Variants in CYREN observed in about 807,000 individuals in gnomAD.
CYREN encodes the protein cell cycle regulator of non-homologous end joining.
Under a neutral mutation model 9.7 loss-of-function variants are expected in CYREN, and 7 were observed. The observed-to-expected ratio is 0.72, with a 90% confidence interval of 0.41 to 1.36. The LOEUF is 1.36. Among genes scored for constraint, CYREN ranks in the 40% most tolerant of loss-of-function variants. The pLI, the probability that CYREN is intolerant of heterozygous loss-of-function variation, is 0.01. For synonymous variants in CYREN, 76 were observed against 77.9 expected (o/e 0.98, Z 0.13); for missense variants, 215 against 198.1 (o/e 1.09, Z -0.51).
At chr7:135,104,059 C>T (rs1824268368) in intron 2 of CYREN, among the ~76,000 whole-genome samples, 1 of 152,016 alleles carries the variant, frequency 6.6e-6, no homozygotes, top group African/African-American at 2.4e-5. Flanking sequence ...TGATCCTCTC[C>T]CTCCTCCCAC....
At chr7:135,102,143 A>T (rs1823930340) in intron 2 of CYREN, among the ~76,000 whole-genome samples, 1 of 152,174 alleles carries the variant, frequency 6.6e-6, no homozygotes. Context: ...GACTAATACA[A>T]TGGTAATTCA....
chr7:135,110,495 G>A (rs1429663776), intron 2 of CYREN, among the ~76,000 whole-genome samples: 1 of 152,114 alleles, frequency 6.6e-6, no homozygotes, highest in African/African-American at 2.4e-5. Flanking sequence ...GTGGGTTCAT[G>A]AGAAGACCTC....
chr7:135,148,387 G>T, intron 2 of CYREN: 1 of 315,048 alleles, frequency 3.2e-6, no homozygotes, highest in South Asian at 2.7e-5. Flanking sequence ...GGAACTCACT[G>T]GTTGTTCAGT....
intron 2 of CYREN, among the ~76,000 whole-genome samples, chr7:135,140,892 A>C (rs1223592759): frequency 6.6e-6 from 1 of 151,976 alleles, no homozygotes; most frequent in Non-Finnish European, 1.5e-5. Context: ...CATATGTTGA[A>C]CCAACCTTCC....
intron 2 of CYREN, among the ~76,000 whole-genome samples, chr7:135,103,223 T>G (rs536721685): frequency 6.6e-6 from 1 of 152,312 alleles, no homozygotes; most frequent in South Asian, 2.1e-4. Context: ...TATAATCATT[T>G]CTTCTAATGC....
intron 2 of CYREN, among the ~76,000 whole-genome samples, chr7:135,138,200 G>C (rs995419956): frequency 6.6e-6 from 1 of 151,810 alleles, no homozygotes; most frequent in African/African-American, 2.4e-5. Context: ...CTTTAGAAAG[G>C]ATGAAAATTA....
chr7:135,092,563 A>G (rs1047662060), exon 3 of CYREN: 1 of 152,208 alleles, frequency 6.6e-6, no homozygotes, highest in African/African-American at 2.4e-5. Context: ...GTACAATGGT[A>G]AATAAAATAT....
At chr7:135,094,894 C>T (rs1469730559) in intron 2 of CYREN, among the ~76,000 whole-genome samples, 3 of 152,132 alleles carry the variant, frequency 2.0e-5, no homozygotes, top group Non-Finnish European at 4.4e-5. Flanking sequence ...CAACAGCTGG[C>T]AAGGAAAAAT....
At chr7:135,152,348 G>T (rs1225051318) in intron 2 of CYREN, among the ~76,000 whole-genome samples, 2 of 152,202 alleles carry the variant, frequency 1.3e-5, no homozygotes, top group African/African-American at 4.8e-5. Flanking sequence ...AAGATTAAAT[G>T]AGTTAATGCA....
intron 2 of CYREN, among the ~76,000 whole-genome samples, chr7:135,153,753 T>C (rs1178326970): frequency 6.6e-6 from 1 of 152,248 alleles, no homozygotes; most frequent in African/African-American, 2.4e-5. Flanking sequence ...TAGTATTTTG[T>C]TGAGGATTTT....
intron 2 of CYREN, among the ~76,000 whole-genome samples, chr7:135,127,295 G>A (rs1394481537): frequency 6.6e-6 from 1 of 151,652 alleles, no homozygotes; most frequent in African/African-American, 2.4e-5. Flanking sequence ...GGTGGCTCAC[G>A]CCTATAATCC....
At chr7:135,165,676 AG>A (rs1830084462), downstream of CYREN, 1 of 167,102 alleles carries the variant, frequency 6.0e-6, no homozygotes, top group Non-Finnish European at 1.5e-5. Context: ...GAGACCCTGG[AG>A]GACTCCAAAT....
intron 2 of CYREN, among the ~76,000 whole-genome samples, chr7:135,102,932 A>G (rs1824072416): frequency 1.3e-5 from 2 of 152,216 alleles, no homozygotes; most frequent in South Asian, 2.1e-4. Flanking sequence ...AATGAACTTC[A>G]TCAAAATCAT....
chr7:135,164,783 G>A, downstream of CYREN: 1 of 1,614,184 alleles, frequency 6.2e-7, no homozygotes, highest in Admixed American at 1.7e-5. Flanking sequence ...GAGCGTGGCG[G>A]CTGGCAGTGG....
At chr7:135,147,380 G>A (rs748372090) in intron 2 of CYREN, among the ~76,000 whole-genome samples, 3 of 152,134 alleles carry the variant, frequency 2.0e-5, no homozygotes, top group Non-Finnish European at 4.4e-5. Context: ...GAAGAGAACC[G>A]CTGAAGGATT....
chr7:135,170,977 C>A (rs1206652826), upstream of CYREN, among the ~76,000 whole-genome samples: 4 of 152,200 alleles, frequency 2.6e-5, no homozygotes, highest in Non-Finnish European at 4.4e-5. Flanking sequence ...ATTCTTGGCC[C>A]CTGAAGTTAG....
chr7:135,097,926 T>A (rs1288014590), intron 2 of CYREN, among the ~76,000 whole-genome samples: 1 of 152,174 alleles, frequency 6.6e-6, no homozygotes, highest in Non-Finnish European at 1.5e-5. Context: ...ATGCTCAGTT[T>A]AAGTTCAGAT....
At chr7:135,096,562 T>A (rs28373778) in intron 2 of CYREN, among the ~76,000 whole-genome samples, 15,025 of 52,610 alleles carry the variant, frequency 0.29, 1,213 homozygotes, top group Middle Eastern at 0.46. Context: ...GAAAGAAAGA[T>A]AGATAGATAG....
At chr7:135,109,304 G>A (rs1373384259) in intron 2 of CYREN, among the ~76,000 whole-genome samples, 3 of 152,206 alleles carry the variant, frequency 2.0e-5, no homozygotes, top group South Asian at 2.1e-4. Context: ...GGCAGCACGG[G>A]TGAGGGCTGC....
Sources: gnomAD v4.1 joint callset for allele counts (sites outside exome capture counted in the v4.1 genomes callset) on GRCh38, gnomAD v4.1.1 for gene constraint, MANE v1.5 for transcripts, NCBI Gene and HGNC (gene_info 2026-07-23, HGNC 2026-07-21) for gene names.